The following CTNNA3 variants were observed in gnomAD, a reference collection of about 807,000 sequenced individuals.
CTNNA3 encodes catenin alpha-3.
CTNNA3 carries 76 observed loss-of-function variants against 95.7 expected under a neutral mutation model. That is an observed-to-expected ratio of 0.79 (90% CI 0.66 to 0.96). CTNNA3 has a LOEUF of 0.96. CTNNA3 is among the 40% of genes least tolerant of loss of function. The pLI, the probability that CTNNA3 is intolerant of heterozygous loss-of-function variation, is 0.00. For missense variants in CTNNA3, 1,191 were observed against 1,089.8 expected, an observed-to-expected ratio of 1.09 and a Z score of -1.31; for synonymous variants, 431 against 374.4, an observed-to-expected ratio of 1.15 and a Z score of -1.74.
In CTNNA3 at chr10:66,280,495, A is replaced by T. The variant is rs746240423; in HGVS notation, c.1859T>A (p.Ile620Asn). 16 of 1,607,036 alleles carry T rather than the reference A, an allele frequency of 1.0e-5. No homozygotes were observed. Among genetic ancestry groups the T allele is most frequent in the Non-Finnish European group, 1.4e-5 (16 of 1,177,254 alleles). ...CCGAATCATCATGACTGAACATCTG[A>T]TATCATGAATTGTATCATAGATCTT... ...SKKIYDTIHD[I>N]RCSVMMIRTP... The change falls in exon 13 of 18, where the codon ATC becomes AAC. Residue 620 changes from isoleucine (I) to asparagine (N), a missense_variant. Coordinates refer to ENST00000433211, the MANE Select transcript of CTNNA3 (RefSeq NM_013266.4).
intron 7 of CTNNA3, among the ~76,000 whole-genome samples, chr10:66,905,504 G>C (rs1000513775): frequency 4.6e-5 from 7 of 152,046 alleles, no homozygotes; most frequent in African/African-American, 1.7e-4. Flanking sequence ...ATGTGCCCTA[G>C]AACTTAAAGC....
chr10:66,542,120 C>T (rs1306898966), intron 10 of CTNNA3, among the ~76,000 whole-genome samples: 1 of 151,924 alleles, frequency 6.6e-6, no homozygotes, highest in Non-Finnish European at 1.5e-5. Context: ...TTTATGCAGC[C>T]AAAAGACACA....
chr10:67,684,595 G>A (rs374906006), intron 1 of CTNNA3, among the ~76,000 whole-genome samples: 1 of 152,164 alleles, frequency 6.6e-6, no homozygotes, highest in Non-Finnish European at 1.5e-5. Flanking sequence ...GCTGGATAGG[G>A]GCAAAGAAGG....
chr10:66,388,357 AAACT>A (rs1347306247), intron 11 of CTNNA3, among the ~76,000 whole-genome samples: 1 of 152,174 alleles, frequency 6.6e-6, no homozygotes, highest in Non-Finnish European at 1.5e-5. Context: ...TAGCTTGTAC[AAACT>A]ATTTTTTCCC....
At chr10:65,987,053 A>T (rs959495917) in intron 16 of CTNNA3, among the ~76,000 whole-genome samples, 2 of 152,010 alleles carry the variant, frequency 1.3e-5, no homozygotes, top group African/African-American at 4.8e-5. Flanking sequence ...GGAAAAATCC[A>T]ATCAAAATAA....
chr10:66,304,758 A>G (rs929867743), intron 12 of CTNNA3, among the ~76,000 whole-genome samples: 34 of 152,202 alleles, frequency 2.2e-4, no homozygotes, highest in African/African-American at 7.0e-4. Flanking sequence ...CTGTGTAACA[A>G]AAGTATAGGA....
At chr10:66,750,868 CTT>C (rs1167857625) in intron 9 of CTNNA3, among the ~76,000 whole-genome samples, 13 of 152,118 alleles carry the variant, frequency 8.5e-5, no homozygotes, top group Admixed American at 2.6e-4. Flanking sequence ...TTTATTTAGA[CTT>C]TTAAAATATC....
At chr10:66,312,752 G>A (rs1291064067) in intron 12 of CTNNA3, among the ~76,000 whole-genome samples, 1 of 152,000 alleles carries the variant, frequency 6.6e-6, no homozygotes, top group Non-Finnish European at 1.5e-5. Context: ...TCACCATATT[G>A]GCCAGGATGA....
intron 10 of CTNNA3, among the ~76,000 whole-genome samples, chr10:66,592,216 T>C (rs1359511981): frequency 3.9e-5 from 6 of 152,054 alleles, no homozygotes; most frequent in Non-Finnish European, 8.8e-5. Context: ...AACAGACCTA[T>C]ACAATAATAC....
chr10:66,816,069 A>C (rs1842069019), intron 7 of CTNNA3, among the ~76,000 whole-genome samples: 1 of 152,212 alleles, frequency 6.6e-6, no homozygotes, highest in African/African-American at 2.4e-5. Flanking sequence ...GGGGAAAATG[A>C]ATCTATAGAG....
At chr10:67,679,914 C>G (rs1840596264) in intron 1 of CTNNA3, among the ~76,000 whole-genome samples, 2 of 152,182 alleles carry the variant, frequency 1.3e-5, no homozygotes, top group Admixed American at 6.5e-5. Flanking sequence ...ATGTATATCA[C>G]AAACTGCAGA....
At chr10:67,049,502 A>G (rs1393819154) in intron 7 of CTNNA3, among the ~76,000 whole-genome samples, 4 of 152,084 alleles carry the variant, frequency 2.6e-5, no homozygotes. Context: ...ACAAAAATTT[A>G]CTCACCCAGT....
intron 14 of CTNNA3, chr10:66,079,360 T>C (rs1298156523): frequency 6.6e-6 from 1 of 151,928 alleles, no homozygotes; most frequent in Non-Finnish European, 1.5e-5. Context: ...CTAGTGACTT[T>C]TAAAAAAGTT....
At chr10:66,803,205 CA>C (rs1841498611) in intron 7 of CTNNA3, among the ~76,000 whole-genome samples, 1 of 151,866 alleles carries the variant, frequency 6.6e-6, no homozygotes, top group Admixed American at 6.6e-5. Context: ...ATTATTAATC[CA>C]TTTGGTTTGG....
chr10:66,870,206 G>C (rs1440405352), intron 7 of CTNNA3, among the ~76,000 whole-genome samples: 1 of 147,130 alleles, frequency 6.8e-6, no homozygotes, highest in Non-Finnish European at 1.5e-5. Context: ...CAGTTTGTTA[G>C]AGATACAATA....
At position 67,463,264 on chromosome 10, in the gene CTNNA3, G is replaced by GT. The variant is rs77198140; in HGVS notation, c.579+58577dup. On this transcript the variant is annotated intron_variant, in intron 5 of 17. Coordinates refer to ENST00000433211, the MANE Select transcript of CTNNA3 (RefSeq NM_013266.4). Reference sequence around the variant, plus strand: ...CAATGGGCACGGCATCCAATATATTGTAAGTGCTCAGTAAATCTGAGTAGT... The same window carrying GT: ...CAATGGGCACGGCATCCAATATATTGTTAAGTGCTCAGTAAATCTGAGTAGT... Among the ~76,000 whole-genome samples the GT allele has an allele frequency of 0.027, 4,056 of 152,158 alleles. 392 individuals carry two copies. In the East Asian group the frequency reaches 0.34, roughly 13 times the overall value.
chr10:66,334,019 A>C (rs1168900170), intron 12 of CTNNA3, among the ~76,000 whole-genome samples: 5 of 152,046 alleles, frequency 3.3e-5, no homozygotes, highest in Admixed American at 2.0e-4. Context: ...TTGTCGGTTT[A>C]AAGTCTGTTT....
At chr10:66,350,087 T>G (rs570841130) in intron 12 of CTNNA3, among the ~76,000 whole-genome samples, 15 of 152,238 alleles carry the variant, frequency 9.9e-5, no homozygotes, top group African/African-American at 3.6e-4. Flanking sequence ...ATTCTGTGAT[T>G]TTTAGTATAT....
At chr10:66,592,750 G>T (rs1244103877) in intron 10 of CTNNA3, among the ~76,000 whole-genome samples, 2 of 152,116 alleles carry the variant, frequency 1.3e-5, no homozygotes, top group Admixed American at 1.3e-4. Flanking sequence ...GATACAGAAA[G>T]CAATAGCAGC....
Sources: gnomAD v4.1 joint callset for allele counts (sites outside exome capture counted in the v4.1 genomes callset) on GRCh38, gnomAD v4.1.1 for gene constraint, MANE v1.5 for transcripts, NCBI Gene and HGNC (gene_info 2026-07-23, HGNC 2026-07-21) for gene names.